The following KCNQ5 variants were observed in gnomAD, a reference collection of about 807,000 sequenced individuals.
KCNQ5 encodes potassium voltage-gated channel subfamily KQT member 5.
A neutral mutation model predicts 98.2 loss-of-function variants in KCNQ5; 30 were observed. That is an observed-to-expected ratio of 0.31 (90% CI 0.23 to 0.41). KCNQ5 has a LOEUF of 0.41. Ranked by LOEUF, KCNQ5 falls within the 10% of genes least tolerant of loss-of-function variation. The pLI, the probability that KCNQ5 is intolerant of heterozygous loss-of-function variation, is 1.00. For synonymous variants in KCNQ5, 458 were observed against 449.4 expected, an observed-to-expected ratio of 1.02 and a Z score of -0.24; for missense variants, 835 against 1,182.5, an observed-to-expected ratio of 0.71 and a Z score of 4.31.
chr6:73,074,387 T>C (rs575739308), intron 3 of KCNQ5, among the ~76,000 whole-genome samples: 1 of 152,234 alleles, frequency 6.6e-6, no homozygotes, highest in Non-Finnish European at 1.5e-5. Context: ...GTTGCTCATC[T>C]ATGATTTCAG....
intron 1 of KCNQ5, among the ~76,000 whole-genome samples, chr6:72,779,565 A>G (rs984735673): frequency 2.0e-5 from 3 of 152,114 alleles, no homozygotes; most frequent in Non-Finnish European, 4.4e-5. Flanking sequence ...GAGTATTTGG[A>G]TGAAGACTGA....
intron 5 of KCNQ5, among the ~76,000 whole-genome samples, chr6:73,096,522 A>G (rs534719362): frequency 1.3e-5 from 2 of 152,314 alleles, no homozygotes; most frequent in Admixed American, 1.3e-4. Flanking sequence ...CGCCTGGAGC[A>G]GTCTGATCAT....
chr6:72,757,337 A>T (rs2154476854), intron 1 of KCNQ5, among the ~76,000 whole-genome samples: 1 of 152,326 alleles, frequency 6.6e-6, no homozygotes, highest in African/African-American at 2.4e-5. Flanking sequence ...TATCTAAGGC[A>T]TCTTTAAAGG....
chr6:72,673,535 T>C (rs1290768090), intron 1 of KCNQ5, among the ~76,000 whole-genome samples: 1 of 151,880 alleles, frequency 6.6e-6, no homozygotes, highest in Non-Finnish European at 1.5e-5. Flanking sequence ...AGAGGTAGAC[T>C]AGGAAGAGAG....
rs1021366802 is a variant in KCNQ5 at position 72,736,244 on chromosome 6, A to G, written c.398+113657A>G. ...TCCCAGGAGTATAACCCAAGAAAAC[A>G]AGAAAAATGGTTCTGTACAAATAAT... On this transcript the variant is annotated intron_variant, in intron 1 of 13. Coordinates refer to ENST00000370398, the MANE Select transcript of KCNQ5 (RefSeq NM_019842.4). Among the ~76,000 whole-genome samples the G allele has an allele frequency of 3.9e-5, 6 of 152,246 alleles. No homozygotes were observed. The South Asian group carries it at 1.2e-3, about 32-fold the overall frequency.
At chr6:72,686,100 T>C (rs1767939545) in intron 1 of KCNQ5, among the ~76,000 whole-genome samples, 1 of 152,180 alleles carries the variant, frequency 6.6e-6, no homozygotes, top group South Asian at 2.1e-4. Context: ...GAAACCTGAT[T>C]TACCTCCCAA....
intron 10 of KCNQ5, among the ~76,000 whole-genome samples, chr6:73,152,236 A>C (rs1777181092): frequency 6.6e-6 from 1 of 152,122 alleles, no homozygotes; most frequent in Non-Finnish European, 1.5e-5. Flanking sequence ...TTTTCTCTGA[A>C]AGAAGAGAGA....
At chr6:72,914,680 C>T (rs767874277) in intron 1 of KCNQ5, among the ~76,000 whole-genome samples, 1 of 151,476 alleles carries the variant, frequency 6.6e-6, no homozygotes, top group Non-Finnish European at 1.5e-5. Context: ...AAAGAAGCAT[C>T]GAGCCCTCAA....
intron 1 of KCNQ5, among the ~76,000 whole-genome samples, chr6:72,963,045 A>T (rs562349156): frequency 2.0e-5 from 3 of 152,352 alleles, no homozygotes; most frequent in South Asian, 2.1e-4. Flanking sequence ...CATTTCTCAA[A>T]AAATAAATAA....
chr6:72,776,225 C>T lies in KCNQ5; in HGVS notation c.398+153638C>T, dbSNP rs118092257. ...GTGCTCTCCAACATCAAGTTATTAA[C>T]AATAACAGAATATATAGGTAGAAAA... On this transcript the variant is annotated intron_variant, in intron 1 of 13. Coordinates refer to ENST00000370398, the MANE Select transcript of KCNQ5 (RefSeq NM_019842.4). Among the ~76,000 whole-genome samples, 30 of 152,244 alleles carry T rather than the reference C, an allele frequency of 2.0e-4. 1 individual carries two copies. The East Asian group carries it at 5.4e-3, about 27-fold the overall frequency.
At chr6:72,693,090 A>G (rs1768294281) in intron 1 of KCNQ5, among the ~76,000 whole-genome samples, 1 of 152,204 alleles carries the variant, frequency 6.6e-6, no homozygotes, top group African/African-American at 2.4e-5. Context: ...CTAACTTTGA[A>G]GTATAGATTT....
intron 1 of KCNQ5, among the ~76,000 whole-genome samples, chr6:72,925,013 A>T (rs985971888): frequency 6.6e-6 from 1 of 152,190 alleles, no homozygotes; most frequent in African/African-American, 2.4e-5. Context: ...TCTGAAAAAC[A>T]TCCTAAGATT....
At chr6:72,722,427 GTC>G (rs1345642846) in intron 1 of KCNQ5, among the ~76,000 whole-genome samples, 1 of 152,204 alleles carries the variant, frequency 6.6e-6, no homozygotes, top group East Asian at 1.9e-4. Flanking sequence ...GAAAAGCTCT[GTC>G]TAGGAGTGTT....
intron 1 of KCNQ5, among the ~76,000 whole-genome samples, chr6:72,643,618 CAGTA>C (rs749330554): frequency 6.6e-6 from 1 of 152,060 alleles, no homozygotes; most frequent in African/African-American, 2.4e-5. Context: ...GATGCTCAAA[CAGTA>C]AGTGTCTGCA....
intron 1 of KCNQ5, among the ~76,000 whole-genome samples, chr6:72,639,483 G>A (rs1373659919): frequency 6.6e-6 from 1 of 152,166 alleles, no homozygotes; most frequent in East Asian, 1.9e-4. Context: ...CAACTAGGTG[G>A]TGTGCAGACA....
intron 1 of KCNQ5, among the ~76,000 whole-genome samples, chr6:72,722,606 G>A (rs1770028388): frequency 6.6e-6 from 1 of 152,146 alleles, no homozygotes; most frequent in Non-Finnish European, 1.5e-5. Flanking sequence ...AACTGACATG[G>A]TGGCTGAATC....
At chr6:72,674,470 T>C (rs1487419033) in intron 1 of KCNQ5, among the ~76,000 whole-genome samples, 1 of 152,050 alleles carries the variant, frequency 6.6e-6, no homozygotes, top group Non-Finnish European at 1.5e-5. Flanking sequence ...AAAAAAATAT[T>C]TTTAAGTTAA....
At chr6:72,670,838 G>A (rs1329035069) in intron 1 of KCNQ5, among the ~76,000 whole-genome samples, 1 of 152,086 alleles carries the variant, frequency 6.6e-6, no homozygotes, top group East Asian at 1.9e-4. Context: ...AATAGGTAAG[G>A]ACATAAGACA....
At chr6:73,119,860 T>C (rs975574451) in intron 7 of KCNQ5, among the ~76,000 whole-genome samples, 6 of 152,188 alleles carry the variant, frequency 3.9e-5, no homozygotes, top group Non-Finnish European at 8.8e-5. Context: ...TTGTTTTGGA[T>C]AATATAGTAT....
Sources: gnomAD v4.1 joint callset for allele counts (sites outside exome capture counted in the v4.1 genomes callset) on GRCh38, gnomAD v4.1.1 for gene constraint, MANE v1.5 for transcripts, NCBI Gene and HGNC (gene_info 2026-07-23, HGNC 2026-07-21) for gene names.